Variants in PAG1 observed in about 807,000 individuals in gnomAD.
PAG1 encodes the protein phosphoprotein membrane anchor with glycosphingolipid microdomains 1.
PAG1 carries 23 observed loss-of-function variants against 31.7 expected under a neutral mutation model. That is an observed-to-expected ratio of 0.73 (90% CI 0.52 to 1.03). PAG1 has a LOEUF of 1.03. Ranked by LOEUF, PAG1 falls within the 50% of genes least tolerant of loss-of-function variation. The probability of loss-of-function intolerance (pLI) is 0.00; values close to 1 mark genes in which losing one functional copy is unlikely to be tolerated. For missense variants in PAG1, 473 were observed against 540.7 expected (o/e 0.87, Z 1.24); for synonymous variants, 214 against 210.3 (o/e 1.02, Z -0.15).
intron 3 of PAG1, among the ~76,000 whole-genome samples, chr8:81,014,406 C>T (rs1029889640): frequency 2.6e-5 from 4 of 152,230 alleles, no homozygotes; most frequent in African/African-American, 9.6e-5. Flanking sequence ...ACTATTTACT[C>T]TGTAGCAAAG....
rs1025867485 is a variant in PAG1, at chr8:80,972,659, A to G, written c.*3885T>C. ...GCTGAGTCAAAAGTAAGTCACATGTATAACAAAACTGTCTTAAAATACCAC... is the reference window on the plus strand; with the variant it reads ...GCTGAGTCAAAAGTAAGTCACATGTGTAACAAAACTGTCTTAAAATACCAC... On this transcript the variant is annotated 3_prime_UTR_variant, in exon 9 of 9. Coordinates refer to ENST00000220597, the MANE Select transcript of PAG1 (RefSeq NM_018440.4). 3.9e-5 allele frequency: 6 copies of G among 152,202 alleles called. No individual in the cohort carries two copies. The highest frequency in any genetic ancestry group is 9.6e-5 in the African/African-American group (4 of 41,458). 9.4% of individuals were successfully genotyped at this position (152,202 alleles called of 1,614,324 possible).
intron 2 of PAG1, among the ~76,000 whole-genome samples, chr8:81,046,071 G>A (rs1026829): frequency 0.71 from 107,844 of 151,530 alleles, 40,566 homozygotes; most frequent in Non-Finnish European, 0.84. Context: ...TATTAGAGCC[G>A]GGAAGGAACT....
intron 8 of PAG1, 21 bp downstream of exon 8, chr8:80,980,414 T>C (rs748239757): frequency 3.4e-5 from 51 of 1,481,780 alleles, no homozygotes; most frequent in Non-Finnish European, 4.4e-5. Flanking sequence ...TTTTCCCTTT[T>C]TAAAAAGAAA....
At chr8:81,052,645 T>C (rs963131284) in intron 2 of PAG1, among the ~76,000 whole-genome samples, 2 of 152,242 alleles carry the variant, frequency 1.3e-5, no homozygotes, top group African/African-American at 4.8e-5. Context: ...TACATAATCA[T>C]TAACCACAGA....
At chr8:81,056,871 A>G (rs550910609) in intron 2 of PAG1, among the ~76,000 whole-genome samples, 1 of 152,352 alleles carries the variant, frequency 6.6e-6, no homozygotes, top group East Asian at 1.9e-4. Flanking sequence ...AGAAATTTAC[A>G]AGAAAAAAAC....
rs777788859 is a variant in PAG1, at chr8:80,968,223, G to A, written c.*8321C>T. ...ATTTATATAGCACCTTTCTTCCGAA[G>A]AGTTGAAAGCATTCGTGCTTATCTC... On this transcript the variant is annotated 3_prime_UTR_variant, in exon 9 of 9. Transcript: ENST00000220597. 2.6e-4 allele frequency: 39 copies of A among 152,332 alleles called. No homozygotes were observed. Among genetic ancestry groups the A allele is most frequent in the Non-Finnish European group, 4.4e-4 (30 of 68,040 alleles). 9.4% of individuals were successfully genotyped at this position (152,332 alleles called of 1,614,324 possible).
chr8:81,005,384 G>T (rs1807857271), intron 3 of PAG1, among the ~76,000 whole-genome samples: 1 of 152,128 alleles, frequency 6.6e-6, no homozygotes, highest in African/African-American at 2.4e-5. Context: ...TTAAAATTAA[G>T]TCAACACAGG....
At position 80,972,619 on chromosome 8, in the gene PAG1, A is replaced by C. The variant is rs1807100279; in HGVS notation, c.*3925T>G. On this transcript the variant is annotated 3_prime_UTR_variant, in exon 9 of 9. Coordinates refer to ENST00000220597, the MANE Select transcript of PAG1 (RefSeq NM_018440.4). The stretch of plus-strand genomic sequence containing the variant: ...TGGGCCAAATCTCTTATCTCTTTAC[A>C]TTTCCTCCTCTCAGGCTGAGTCAAA... 1 of 152,150 alleles carries C rather than the reference A, an allele frequency of 6.6e-6. No homozygotes were observed. The highest frequency in any genetic ancestry group is 2.1e-4 in the South Asian group (1 of 4,830). The allele number at this position is 152,150 out of a possible 1,614,324, so 9.4% of individuals were successfully genotyped here.
chr8:81,049,938 C>T (rs1808700633), intron 2 of PAG1, among the ~76,000 whole-genome samples: 1 of 152,112 alleles, frequency 6.6e-6, no homozygotes, highest in South Asian at 2.1e-4. Context: ...TACAACAAAC[C>T]CCACGCTGGG....
intron 2 of PAG1, among the ~76,000 whole-genome samples, chr8:81,035,124 A>C (rs1483318667): frequency 6.6e-6 from 1 of 152,166 alleles, no homozygotes; most frequent in African/African-American, 2.4e-5. Context: ...AGGTTGGTGA[A>C]GTCAGGAGGG....
chr8:81,100,635 C>T (rs1001929706), intron 1 of PAG1, among the ~76,000 whole-genome samples: 4 of 152,184 alleles, frequency 2.6e-5, no homozygotes, highest in Admixed American at 6.5e-5. Context: ...CAAACCAAAC[C>T]GATGGCGGAC....
chr8:81,086,929 G>A (rs955639998), intron 1 of PAG1, among the ~76,000 whole-genome samples: 2 of 152,166 alleles, frequency 1.3e-5, no homozygotes, highest in African/African-American at 2.4e-5. Context: ...CTTTTAAAAT[G>A]TACATGTCCA....
At chr8:81,061,200 G>A (rs906496739) in intron 2 of PAG1, among the ~76,000 whole-genome samples, 11 of 152,118 alleles carry the variant, frequency 7.2e-5, no homozygotes, top group Non-Finnish European at 1.2e-4. Flanking sequence ...CATTACTCAC[G>A]GGGGTAAATT....
intron 2 of PAG1, among the ~76,000 whole-genome samples, chr8:81,046,595 A>C (rs1263583729): frequency 6.6e-6 from 1 of 152,214 alleles, no homozygotes; most frequent in African/African-American, 2.4e-5. Context: ...ACATAATTTA[A>C]TGCACGGAAT....
At chr8:81,094,086 C>T (rs1034662357) in intron 1 of PAG1, among the ~76,000 whole-genome samples, 3 of 152,128 alleles carry the variant, frequency 2.0e-5, no homozygotes, top group African/African-American at 7.2e-5. Flanking sequence ...CAGCTGAGAG[C>T]GTGTGGTGGA....
At chr8:80,998,665 A>G (rs1286921019) in intron 3 of PAG1, among the ~76,000 whole-genome samples, 5 of 152,170 alleles carry the variant, frequency 3.3e-5, no homozygotes, top group African/African-American at 7.2e-5. Context: ...TTGGCCAAAC[A>G]TCCTTAACAG....
At chr8:81,085,574 C>T (rs916874825) in intron 1 of PAG1, among the ~76,000 whole-genome samples, 4 of 152,188 alleles carry the variant, frequency 2.6e-5, no homozygotes, top group African/African-American at 9.7e-5. Flanking sequence ...GAAAATAGTA[C>T]ATTACCCTAC....
rs1807143218 is a variant in PAG1 at position 80,974,444 on chromosome 8, C to CGTACCCT, written c.*2099_*2100insAGGGTAC. 6.6e-6 allele frequency: 1 copy of CGTACCCT among 152,238 alleles called. No individual in the cohort carries two copies. The highest frequency in any genetic ancestry group is 6.5e-5 in the Admixed American group (1 of 15,286). 9.4% of individuals were successfully genotyped at this position (152,238 alleles called of 1,614,324 possible). A position where few individuals can be genotyped will look rare whatever the true frequency, so the allele number is the denominator to read the frequency against. On this transcript the variant is annotated 3_prime_UTR_variant, in exon 9 of 9. Coordinates refer to ENST00000220597, the MANE Select transcript of PAG1 (RefSeq NM_018440.4). ...AGAGAAATGCAAGGTACGAACTTCT[C>CGTACCCT]TCTAATCCAAGGGTATTCTGCTGTG... is the stretch of plus-strand genomic sequence containing the variant.
chr8:81,077,131 C>A (rs1014583475), intron 1 of PAG1, among the ~76,000 whole-genome samples: 1 of 152,204 alleles, frequency 6.6e-6, no homozygotes, highest in Non-Finnish European at 1.5e-5. Flanking sequence ...ATTGGCACCC[C>A]CCAGGAGCTC....
Sources: gnomAD v4.1 joint callset for allele counts (sites outside exome capture counted in the v4.1 genomes callset) on GRCh38, gnomAD v4.1.1 for gene constraint, MANE v1.5 for transcripts, NCBI Gene and HGNC (gene_info 2026-07-23, HGNC 2026-07-21) for gene names.